SGCD: variants seen among roughly 807,000 people sequenced by gnomAD.
The protein encoded by SGCD is sarcoglycan delta.
A neutral mutation model predicts 36.6 loss-of-function variants in SGCD; 18 were observed. That is an observed-to-expected ratio of 0.49 (90% confidence interval 0.34 to 0.73). The LOEUF is 0.73. Ranked by LOEUF, SGCD falls within the 30% of genes least tolerant of loss-of-function variation. The pLI is 0.01. For missense variants in SGCD, 387 were observed against 346.7 expected (o/e 1.12, Z -0.92); for synonymous variants, 133 against 130.6 (o/e 1.02, Z -0.12).
At chr5:156,583,234 T>G (rs900304886) in intron 4 of SGCD, among the ~76,000 whole-genome samples, 2 of 152,152 alleles carry the variant, frequency 1.3e-5, no homozygotes, top group Non-Finnish European at 2.9e-5. Context: ...ACACTTAACA[T>G]TTCCAAAGCT....
rs545267592 is a variant in SGCD at position 156,482,788 on chromosome 5, G to A, written c.193-25813G>A. The stretch of plus-strand genomic sequence containing the variant: ...CCTCCCTACAAGATAATGAGTTAGA[G>A]CAGGTAGTATTATCCTTTTGGTCAG... On this transcript the variant is annotated intron_variant, in intron 3 of 8. Coordinates refer to ENST00000337851, the MANE Select transcript of SGCD (RefSeq NM_000337.6). Among the ~76,000 whole-genome samples, 31 of 143,384 alleles carry A rather than the reference G, an allele frequency of 2.2e-4. No individual in the cohort carries two copies. The South Asian group carries it at 7.1e-3, about 33-fold the overall frequency. 94.1% of individuals were successfully genotyped at this position (143,384 alleles called of 152,430 possible). A position where few individuals can be genotyped will look rare whatever the true frequency, so the allele number is the denominator to read the frequency against.
At chr5:155,728,040 C>T in the SGCD span, among the ~76,000 whole-genome samples, 1 of 152,130 alleles carries the variant, frequency 6.6e-6, no homozygotes, top group Admixed American at 6.5e-5. Context: ...GCTCCCTCCG[C>T]TCTGCAAAGG....
chr5:156,667,272 G>T lies in SGCD; in HGVS notation c.575+19736G>T, dbSNP rs201961506. ...ATACAAAGAGACAGAGAGACAGACA[G>T]ACACAAGGAGGAGTGTATATTGAGC... is the stretch of plus-strand genomic sequence containing the variant. On this transcript the variant is annotated intron_variant, in intron 7 of 8. Coordinates refer to ENST00000337851, the MANE Select transcript of SGCD (RefSeq NM_000337.6). Among the ~76,000 whole-genome samples, 13 of 152,204 alleles carry T rather than the reference G, an allele frequency of 8.5e-5. No homozygotes were observed. The East Asian group carries it at 2.1e-3, about 25-fold the overall frequency.
Position 155,879,771 on chromosome 5 carries a change from G to A in SGCD, c.-282+9347G>A, listed in dbSNP as rs548725933. On this transcript the variant is annotated intron_variant, in intron 1 of 9. Coordinates refer to the SGCD transcript ENST00000517913. The stretch of plus-strand genomic sequence containing the variant: ...TTCCAAAGATTTTCATATTAAAAAC[G>A]TTATTCTCACCACACCTCTCTAAGG... Among the ~76,000 whole-genome samples the A allele has an allele frequency of 2.6e-5, 4 of 152,038 alleles. No homozygotes were observed. The South Asian group carries it at 6.2e-4, about 24-fold the overall frequency.
chr5:155,932,832 G>T (rs1057092075), intron 1 of SGCD, among the ~76,000 whole-genome samples: 4 of 151,950 alleles, frequency 2.6e-5, no homozygotes, highest in Non-Finnish European at 5.9e-5. Flanking sequence ...CCAGAACATT[G>T]ACTCATATGC....
chr5:156,475,928 G>A (rs1473321608), intron 3 of SGCD, among the ~76,000 whole-genome samples: 1 of 152,210 alleles, frequency 6.6e-6, no homozygotes, highest in Non-Finnish European at 1.5e-5. Context: ...CCTTGCAGCA[G>A]GGTGCATTGG....
intron 3 of SGCD, among the ~76,000 whole-genome samples, chr5:156,216,189 ATG>A (rs1282019274): frequency 6.6e-6 from 1 of 152,216 alleles, no homozygotes; most frequent in Admixed American, 6.5e-5. Flanking sequence ...AGTCGAGGAA[ATG>A]TTGGTAAACT....
chr5:155,924,470 T>C (rs932264933), intron 1 of SGCD, among the ~76,000 whole-genome samples: 2 of 152,194 alleles, frequency 1.3e-5, no homozygotes, highest in Admixed American at 6.5e-5. Flanking sequence ...GAGAGCCCCA[T>C]GGAAGGAAAG....
intron 3 of SGCD, among the ~76,000 whole-genome samples, chr5:156,276,159 G>A (rs180918604): frequency 1.8e-4 from 27 of 152,226 alleles, no homozygotes; most frequent in Admixed American, 3.9e-4. Context: ...AACCAGCTTA[G>A]CATGCTTGGT....
chr5:156,193,854 A>G (rs1763955932), intron 3 of SGCD, among the ~76,000 whole-genome samples: 1 of 152,212 alleles, frequency 6.6e-6, no homozygotes, highest in South Asian at 2.1e-4. Context: ...AAATGAGTTC[A>G]GAGGTTGATT....
At position 156,269,505 on chromosome 5, in the gene SGCD, A is replaced by AAAAAAAAAAAAAAAC. The variant is rs1189540837; in HGVS notation, c.-43-60024_-43-60023insAAAAAAAAACAAAAA. Among the ~76,000 whole-genome samples, 5 of 86,174 alleles carry AAAAAAAAAAAAAAAC rather than the reference A, an allele frequency of 5.8e-5. 2 individuals carry two copies. The highest frequency in any genetic ancestry group is 1.2e-4 in the Non-Finnish European group (5 of 41,328). The allele number at this position is 86,174 out of a possible 152,430, so 56.5% of individuals were successfully genotyped here. ...AAAAAAAAAAAAAAAAAAAAAAAAA[A>AAAAAAAAAAAAAAAC]AAAAACCATCAGATCTCATGAAACT... On this transcript the variant is annotated intron_variant, in intron 3 of 9. Transcript: ENST00000517913.
chr5:155,978,523 T>G (rs1758166167), intron 1 of SGCD, among the ~76,000 whole-genome samples: 1 of 152,268 alleles, frequency 6.6e-6, no homozygotes, highest in Non-Finnish European at 1.5e-5. Context: ...TTATGCAGTG[T>G]TATTACACCA....
At chr5:156,116,266 A>T (rs569178853) in intron 1 of SGCD, among the ~76,000 whole-genome samples, 3 of 152,148 alleles carry the variant, frequency 2.0e-5, no homozygotes, top group South Asian at 2.1e-4. Context: ...AGATTTAAAT[A>T]TATCTGCAGT....
intron 3 of SGCD, among the ~76,000 whole-genome samples, chr5:156,319,963 T>C (rs1767614658): frequency 6.6e-6 from 1 of 152,248 alleles, no homozygotes; most frequent in African/African-American, 2.4e-5. Context: ...ATGAAGCAAC[T>C]ACTATGTGCC....
chr5:155,841,311 C>T, the SGCD span, among the ~76,000 whole-genome samples: 1 of 152,182 alleles, frequency 6.6e-6, no homozygotes, highest in Non-Finnish European at 1.5e-5. Context: ...ATATTGCTTA[C>T]TTGTGAACTC....
intron 1 of SGCD, among the ~76,000 whole-genome samples, chr5:155,923,115 C>T (rs906086887): frequency 4.6e-5 from 7 of 152,082 alleles, no homozygotes; most frequent in East Asian, 1.9e-4. Context: ...TTTCATACTA[C>T]GCAAAGGTGA....
chr5:156,459,983 C>T (rs574096589), intron 3 of SGCD, among the ~76,000 whole-genome samples: 1 of 152,210 alleles, frequency 6.6e-6, no homozygotes, highest in African/African-American at 2.4e-5. Context: ...TTGCATATGG[C>T]ACCGCTATAA....
At chr5:156,068,545 C>A (rs1760414610) in intron 1 of SGCD, among the ~76,000 whole-genome samples, 2 of 151,690 alleles carry the variant, frequency 1.3e-5, no homozygotes. Context: ...GGGTTGGTTC[C>A]AAGTCTTTGC....
intron 1 of SGCD, among the ~76,000 whole-genome samples, chr5:156,008,110 T>C (rs1758789970): frequency 6.6e-6 from 1 of 152,172 alleles, no homozygotes; most frequent in Non-Finnish European, 1.5e-5. Context: ...ATGGCTGCTA[T>C]AAAAAAATGC....
Sources: gnomAD v4.1 joint callset for allele counts (sites outside exome capture counted in the v4.1 genomes callset) on GRCh38, gnomAD v4.1.1 for gene constraint, MANE v1.5 for transcripts, NCBI Gene and HGNC (gene_info 2026-07-23, HGNC 2026-07-21) for gene names.